Variants in EFHC2 observed in about 807,000 individuals in gnomAD.
EFHC2 encodes EF-hand domain-containing family member C2.
In EFHC2, 18 loss-of-function variants were observed where a neutral mutation model predicts 52.7. That is an observed-to-expected ratio of 0.34 (90% CI 0.24 to 0.51). The LOEUF (loss-of-function observed/expected upper bound fraction) is 0.51, where lower values mean the gene tolerates loss of function less well. Ranked by LOEUF, EFHC2 falls within the 20% of genes least tolerant of loss-of-function variation. The probability of loss-of-function intolerance (pLI) is 0.97; values close to 1 mark genes in which losing one functional copy is unlikely to be tolerated. For synonymous variants in EFHC2, 203 were observed against 204.1 expected, an observed-to-expected ratio of 0.99 and a Z score of 0.04; for missense variants, 513 against 562.5, an observed-to-expected ratio of 0.91 and a Z score of 0.89.
At chrX:44,327,259 G>A (rs899932011) in intron 1 of EFHC2, among the ~76,000 whole-genome samples, 24 of 111,601 alleles carry the variant, frequency 2.2e-4, no homozygotes, top group African/African-American at 6.5e-4. Context: ...ACCATGACCC[G>A]GAAGGGAGGA....
chrX:44,302,982 T>C (rs948899116), intron 2 of EFHC2, among the ~76,000 whole-genome samples: 2 of 112,016 alleles, frequency 1.8e-5, no homozygotes, highest in Non-Finnish European at 3.8e-5. Flanking sequence ...TATTTACGTA[T>C]TGTTCTTTGT....
At chrX:44,260,970 TA>T in intron 4 of EFHC2, 104 bp downstream of exon 4, 1 of 687,114 alleles carries the variant, frequency 1.5e-6, no homozygotes, top group African/African-American at 2.2e-5. Flanking sequence ...ACTATGGCTC[TA>T]AAAGCTCTTT....
At chrX:44,262,512 C>CAAAAAAAAAAAAAAA (rs749239313) in intron 3 of EFHC2, among the ~76,000 whole-genome samples, 2 of 29,187 alleles carry the variant, frequency 6.9e-5, no homozygotes, top group East Asian at 1.4e-3. Context: ...AGCCCTGTCT[C>CAAAAAAAAAAAAAAA]AAAAAAAAAA....
chrX:44,228,220 T>C (rs996523748), intron 11 of EFHC2, among the ~76,000 whole-genome samples: 1 of 111,665 alleles, frequency 9.0e-6, no homozygotes, highest in Non-Finnish European at 1.9e-5. Flanking sequence ...AGTGGCCCTT[T>C]ATCCCACCCA....
intron 8 of EFHC2, among the ~76,000 whole-genome samples, chrX:44,235,867 T>C (rs898374648): frequency 8.9e-6 from 1 of 112,106 alleles, no homozygotes; most frequent in Admixed American, 9.4e-5. Context: ...CATTCACCAC[T>C]CACTGTCTCA....
At chrX:44,159,981 T>A (rs956268772) in intron 14 of EFHC2, among the ~76,000 whole-genome samples, 1 of 112,777 alleles carries the variant, frequency 8.9e-6, no homozygotes, top group African/African-American at 3.2e-5. Flanking sequence ...ATGGAAGAAC[T>A]ATTCTTATCA....
At chrX:44,220,960 C>T (rs2037189141) in intron 11 of EFHC2, among the ~76,000 whole-genome samples, 1 of 111,785 alleles carries the variant, frequency 8.9e-6, no homozygotes, top group African/African-American at 3.2e-5. Context: ...ATGAGAGTAC[C>T]TGTTACCACA....
chrX:44,220,762 T>C (rs1191164580), intron 11 of EFHC2, among the ~76,000 whole-genome samples: 1 of 112,531 alleles, frequency 8.9e-6, no homozygotes, highest in African/African-American at 3.2e-5. Flanking sequence ...ATGTTTACTA[T>C]TACAAAATTT....
chrX:44,173,045 T>G (rs1482947080), intron 13 of EFHC2, among the ~76,000 whole-genome samples: 1 of 111,696 alleles, frequency 9.0e-6, no homozygotes, highest in Non-Finnish European at 1.9e-5. Flanking sequence ...CAAGCTGAAT[T>G]ATAAGAAAAA....
intron 11 of EFHC2, among the ~76,000 whole-genome samples, chrX:44,216,047 T>C (rs2037145608): frequency 1.8e-5 from 2 of 112,448 alleles, no homozygotes; most frequent in Non-Finnish European, 3.8e-5. Context: ...CTAAAGGATA[T>C]CAAATTGTTC....
At chrX:44,176,515 T>C in intron 12 of EFHC2, 131 bp from the exon 13 acceptor site, 1 of 478,621 alleles carries the variant, frequency 2.1e-6, no homozygotes, top group Non-Finnish European at 3.3e-6. Context: ...AAAATTGGTA[T>C]TGGAATTCAC....
chrX:44,263,616 T>C (rs1056292106), intron 3 of EFHC2, among the ~76,000 whole-genome samples: 4 of 112,304 alleles, frequency 3.6e-5, no homozygotes, highest in Non-Finnish European at 7.5e-5. Flanking sequence ...CTTTAATTCA[T>C]AGCACTGAAA....
intron 11 of EFHC2, among the ~76,000 whole-genome samples, chrX:44,187,221 G>GGAAAA (rs1191467915): frequency 1.0e-5 from 1 of 99,248 alleles, no homozygotes; most frequent in Non-Finnish European, 2.0e-5. Context: ...GCAAAAGCAA[G>GGAAAA]GAAAAAAAAG....
intron 14 of EFHC2, among the ~76,000 whole-genome samples, chrX:44,149,690 A>G (rs2036554710): frequency 9.0e-6 from 1 of 110,541 alleles, no homozygotes; most frequent in Non-Finnish European, 1.9e-5. Flanking sequence ...TAATTTTTGT[A>G]TTTCTAGGAG....
At chrX:44,333,031 A>G (rs1405863064) in intron 1 of EFHC2, among the ~76,000 whole-genome samples, 1 of 111,572 alleles carries the variant, frequency 9.0e-6, no homozygotes, top group African/African-American at 3.3e-5. Flanking sequence ...ATTTCCATCT[A>G]TGTTTCAACC....
At chrX:44,289,036 C>T (rs1315046194) in intron 2 of EFHC2, among the ~76,000 whole-genome samples, 5 of 111,828 alleles carry the variant, frequency 4.5e-5, no homozygotes, top group Non-Finnish European at 7.5e-5. Flanking sequence ...GATGTCTTTC[C>T]TTGACATAGT....
At chrX:44,328,750 T>C (rs1255152215) in intron 1 of EFHC2, among the ~76,000 whole-genome samples, 3 of 111,629 alleles carry the variant, frequency 2.7e-5, no homozygotes, top group African/African-American at 9.8e-5. Context: ...GATGCTTGCA[T>C]AGGGTGTAAC....
rs778437209 is a variant in EFHC2 at position 44,242,285 on chromosome X, G to A, written c.1116C>T (p.Asn372=). 3.3e-6 allele frequency: 4 copies of A among 1,203,193 alleles called. No homozygotes were observed. Among genetic ancestry groups the A allele is most frequent in the South Asian group, 3.6e-5 (2 of 54,805 alleles). Reference sequence around the variant, plus strand: ...GAGGCTTGCATGAAACTGAGGTAAAGTTCTCTAGAACAAAACAAAGGCAAA... The same window carrying A: ...GAGGCTTGCATGAAACTGAGGTAAAATTCTCTAGAACAAAACAAAGGCAAA... The part of the protein sequence containing the change: ...SYYKSKYGIE[N]FTSVSCKPPS... Residue 372 remains asparagine (N), a synonymous_variant, in exon 8 of 15, where the codon AAC becomes AAT. Coordinates refer to ENST00000420999, the MANE Select transcript of EFHC2 (RefSeq NM_025184.4).
At chrX:44,301,614 A>G (rs917375365) in intron 2 of EFHC2, among the ~76,000 whole-genome samples, 2 of 112,166 alleles carry the variant, frequency 1.8e-5, no homozygotes, top group African/African-American at 6.5e-5. Context: ...TTGTAAATTT[A>G]CAGAGCTGTG....
Sources: gnomAD v4.1 joint callset for allele counts (sites outside exome capture counted in the v4.1 genomes callset) on GRCh38, gnomAD v4.1.1 for gene constraint, MANE v1.5 for transcripts, NCBI Gene and HGNC (gene_info 2026-07-23, HGNC 2026-07-21) for gene names.